The following PRKD1 variants were observed in gnomAD, a reference collection of about 807,000 sequenced individuals.
PRKD1 encodes the protein protein kinase D1.
A neutral mutation model predicts 95.9 loss-of-function variants in PRKD1; 63 were observed. The ratio of observed to expected loss-of-function variants is 0.66; its 90% CI spans 0.54 to 0.81. The LOEUF is 0.81. PRKD1 is among the 30% of genes least tolerant of loss of function. The pLI is 0.00. For synonymous variants in PRKD1, 425 were observed against 423.1 expected (o/e 1.00, Z -0.05); for missense variants, 1,048 against 1,165.3 (o/e 0.90, Z 1.47).
At chr14:29,593,506 G>C (rs1893201172) in intron 16 of PRKD1, among the ~76,000 whole-genome samples, 1 of 152,138 alleles carries the variant, frequency 6.6e-6, no homozygotes, top group Non-Finnish European at 1.5e-5. Context: ...GGGTGTTAAG[G>C]GAGTTAACCA....
chr14:29,764,654 TTTTATA>T (rs1888176443), intron 1 of PRKD1, among the ~76,000 whole-genome samples: 1 of 152,130 alleles, frequency 6.6e-6, no homozygotes. Flanking sequence ...TGACATGCCC[TTTTATA>T]AAGGCACATA....
chr14:29,683,629 C>T (rs997329153), intron 2 of PRKD1, among the ~76,000 whole-genome samples: 1 of 152,080 alleles, frequency 6.6e-6, no homozygotes, highest in Non-Finnish European at 1.5e-5. Context: ...AAAAGAGAAG[C>T]AATATCCAAA....
chr14:29,744,196 C>T (rs1887109713), intron 1 of PRKD1, among the ~76,000 whole-genome samples: 1 of 152,152 alleles, frequency 6.6e-6, no homozygotes, highest in Non-Finnish European at 1.5e-5. Flanking sequence ...TACAAGGTAT[C>T]ACATATTAAC....
chr14:29,826,770 C>CAT (rs1485229300), intron 1 of PRKD1, among the ~76,000 whole-genome samples: 2 of 29,376 alleles, frequency 6.8e-5, no homozygotes, highest in African/African-American at 2.5e-4. Flanking sequence ...TATATATATA[C>CAT]ACATATATAT....
At chr14:29,923,630 T>C (rs1895198774) in intron 1 of PRKD1, among the ~76,000 whole-genome samples, 1 of 152,188 alleles carries the variant, frequency 6.6e-6, no homozygotes. Context: ...TAAATTTCTT[T>C]AGCCAAAAGA....
At chr14:29,652,562 G>A (rs1881577988) in intron 4 of PRKD1, among the ~76,000 whole-genome samples, 1 of 152,140 alleles carries the variant, frequency 6.6e-6, no homozygotes, top group East Asian at 1.9e-4. Context: ...CATAGTCTCA[G>A]GAAGCAGGGA....
intron 2 of PRKD1, among the ~76,000 whole-genome samples, chr14:29,675,602 C>T (rs1455843826): frequency 6.6e-6 from 1 of 152,116 alleles, no homozygotes; most frequent in African/African-American, 2.4e-5. Flanking sequence ...CTAGAAACAC[C>T]ATTTGACCCA....
intron 2 of PRKD1, among the ~76,000 whole-genome samples, chr14:29,671,086 T>A (rs1239615939): frequency 6.6e-6 from 1 of 151,038 alleles, no homozygotes; most frequent in African/African-American, 2.4e-5. Context: ...GAAAAAAAAA[T>A]GTATTTAGAT....
At chr14:29,652,474 A>G (rs892469558) in intron 4 of PRKD1, among the ~76,000 whole-genome samples, 2 of 152,202 alleles carry the variant, frequency 1.3e-5, no homozygotes, top group Non-Finnish European at 2.9e-5. Context: ...ATGAAATCAG[A>G]TAACAGTAAC....
chr14:29,812,694 A>G (rs577532782), intron 1 of PRKD1, among the ~76,000 whole-genome samples: 20 of 152,332 alleles, frequency 1.3e-4, no homozygotes, highest in Admixed American at 1.2e-3. Context: ...AGAACAGCAG[A>G]GGGGAAACTG....
intron 13 of PRKD1, among the ~76,000 whole-genome samples, chr14:29,608,966 T>C (rs1878225175): frequency 6.6e-6 from 1 of 152,194 alleles, no homozygotes; most frequent in Non-Finnish European, 1.5e-5. Flanking sequence ...ATATGTACTG[T>C]CAGAGGAATA....
At chr14:29,767,585 C>T (rs1888311119) in intron 1 of PRKD1, among the ~76,000 whole-genome samples, 1 of 152,126 alleles carries the variant, frequency 6.6e-6, no homozygotes, top group South Asian at 2.1e-4. Context: ...TAGGATCCAT[C>T]ACTGGATTCA....
At chr14:29,775,393 C>T (rs1037414020) in intron 1 of PRKD1, among the ~76,000 whole-genome samples, 1 of 152,188 alleles carries the variant, frequency 6.6e-6, no homozygotes, top group Admixed American at 6.5e-5. Flanking sequence ...ATTCCCTTTC[C>T]TAGCCAAGGG....
chr14:29,687,865 G>A (rs996143219), intron 2 of PRKD1, among the ~76,000 whole-genome samples: 3 of 152,160 alleles, frequency 2.0e-5, no homozygotes, highest in Non-Finnish European at 4.4e-5. Context: ...CCATTTGTCT[G>A]TCCATTTGCT....
chr14:29,693,796 A>AT (rs1411796037), intron 2 of PRKD1, among the ~76,000 whole-genome samples: 1 of 152,122 alleles, frequency 6.6e-6, no homozygotes, highest in African/African-American at 2.4e-5. Context: ...ACCTCCCAAC[A>AT]TTATCACTCA....
chr14:29,787,528 A>G (rs1444740387), intron 1 of PRKD1, among the ~76,000 whole-genome samples: 1 of 152,036 alleles, frequency 6.6e-6, no homozygotes, highest in African/African-American at 2.4e-5. Flanking sequence ...GTGCATTTAT[A>G]TTTACAACTG....
chr14:29,724,474 A>G (rs1020057150), intron 2 of PRKD1, among the ~76,000 whole-genome samples: 1 of 152,162 alleles, frequency 6.6e-6, no homozygotes, highest in Non-Finnish European at 1.5e-5. Context: ...AATTACCTTT[A>G]TCTAGCAAAA....
chr14:29,886,427 TGAAAG>T (rs1893707999), intron 1 of PRKD1, among the ~76,000 whole-genome samples: 1 of 152,198 alleles, frequency 6.6e-6, no homozygotes, highest in Admixed American at 6.5e-5. Context: ...AAATCTCAGA[TGAAAG>T]GAGCCAATTC....
At chr14:29,684,636 T>C (rs924019746) in intron 2 of PRKD1, among the ~76,000 whole-genome samples, 2 of 152,196 alleles carry the variant, frequency 1.3e-5, no homozygotes, top group Non-Finnish European at 2.9e-5. Context: ...CAGGCAGAAA[T>C]GTCCCCAGCT....
Sources: allele counts gnomAD v4.1 joint callset (sites outside exome capture counted in the v4.1 genomes callset), GRCh38; gene constraint gnomAD v4.1.1; transcripts MANE v1.5; gene names NCBI Gene and HGNC (gene_info 2026-07-23, HGNC 2026-07-21).